The following DENND1A variants were observed in gnomAD, a reference collection of about 807,000 sequenced individuals.
DENND1A encodes the protein DENN domain-containing protein 1A.
Under a neutral mutation model 113.7 loss-of-function variants are expected in DENND1A, and 51 were observed. That is an observed-to-expected ratio of 0.45 (90% CI 0.36 to 0.57). The LOEUF is 0.57. Among genes scored for constraint, DENND1A ranks in the 20% least tolerant of loss-of-function variants. The pLI is 0.00. For missense variants in DENND1A, 1,258 were observed against 1,395.9 expected, an observed-to-expected ratio of 0.90 and a Z score of 1.57; for synonymous variants, 565 against 570.8, an observed-to-expected ratio of 0.99 and a Z score of 0.14.
chr9:123,702,780 C>T (rs2065956908), intron 5 of DENND1A, among the ~76,000 whole-genome samples: 2 of 152,136 alleles, frequency 1.3e-5, no homozygotes, highest in South Asian at 4.2e-4. Flanking sequence ...AGTTCACTAT[C>T]ACCAGACCTG....
At chr9:123,419,195 G>A (rs920609171) in intron 19 of DENND1A, among the ~76,000 whole-genome samples, 3 of 152,252 alleles carry the variant, frequency 2.0e-5, no homozygotes, top group Admixed American at 1.3e-4. Context: ...GCAAAGATTG[G>A]GGTGGCTGGT....
At chr9:123,403,051 T>C (rs537607062) in intron 21 of DENND1A, among the ~76,000 whole-genome samples, 2 of 152,204 alleles carry the variant, frequency 1.3e-5, no homozygotes, top group Non-Finnish European at 2.9e-5. Context: ...GTGGATCCAG[T>C]TCAACACTTG....
At chr9:123,824,787 A>C (rs1332738516) in intron 2 of DENND1A, among the ~76,000 whole-genome samples, 1 of 152,162 alleles carries the variant, frequency 6.6e-6, no homozygotes, top group Non-Finnish European at 1.5e-5. Context: ...AATAAAATAA[A>C]ACCTATCTCC....
chr9:123,527,453 C>T (rs1428010506), intron 13 of DENND1A, among the ~76,000 whole-genome samples: 1 of 152,160 alleles, frequency 6.6e-6, no homozygotes, highest in Non-Finnish European at 1.5e-5. Flanking sequence ...GACTGCCTTT[C>T]AGGTTCATCT....
intron 18 of DENND1A, among the ~76,000 whole-genome samples, chr9:123,446,638 A>G (rs2047326815): frequency 6.6e-6 from 1 of 152,122 alleles, no homozygotes; most frequent in Non-Finnish European, 1.5e-5. Context: ...CAGTATGGGC[A>G]ACACAGCAAA....
chr9:123,664,543 T>C (rs1367224004), intron 8 of DENND1A, among the ~76,000 whole-genome samples: 1 of 152,024 alleles, frequency 6.6e-6, no homozygotes, highest in Non-Finnish European at 1.5e-5. Context: ...AGTTCATTGT[T>C]TTCTAAATTT....
At chr9:123,572,536 C>A (rs1315579213) in intron 12 of DENND1A, among the ~76,000 whole-genome samples, 2 of 152,094 alleles carry the variant, frequency 1.3e-5, no homozygotes, top group Admixed American at 6.5e-5. Context: ...TGCAGTAGAA[C>A]CTTGTTGTGA....
chr9:123,469,774 C>T (rs2049250912), intron 13 of DENND1A, among the ~76,000 whole-genome samples: 1 of 152,186 alleles, frequency 6.6e-6, no homozygotes, highest in Admixed American at 6.5e-5. Flanking sequence ...TCACTTACTC[C>T]TCACAGCATC....
At chr9:123,739,679 G>C (rs529850081) in intron 5 of DENND1A, among the ~76,000 whole-genome samples, 3 of 152,108 alleles carry the variant, frequency 2.0e-5, no homozygotes, top group Non-Finnish European at 4.4e-5. Context: ...AGCTGGAGGA[G>C]AGTACAAGAA....
chr9:123,445,013 G>A (rs1271201158), intron 18 of DENND1A, among the ~76,000 whole-genome samples: 2 of 152,130 alleles, frequency 1.3e-5, no homozygotes, highest in Non-Finnish European at 2.9e-5. Context: ...GCCAGTTCCC[G>A]TCCCTCGGTA....
At chr9:123,792,503 T>C in intron 3 of DENND1A, 84 bp downstream of exon 3, 1 of 1,406,358 alleles carries the variant, frequency 7.1e-7, no homozygotes, top group Non-Finnish European at 9.8e-7. Flanking sequence ...CATTTATCTC[T>C]TTCAGTAAAA....
At chr9:123,774,098 G>A (rs1480359928) in intron 3 of DENND1A, among the ~76,000 whole-genome samples, 2 of 152,138 alleles carry the variant, frequency 1.3e-5, no homozygotes, top group African/African-American at 4.8e-5. Context: ...AAATGTAGGT[G>A]TGTGATGAAA....
intron 12 of DENND1A, among the ~76,000 whole-genome samples, chr9:123,577,197 G>A (rs1366674111): frequency 6.6e-6 from 1 of 151,978 alleles, no homozygotes; most frequent in Non-Finnish European, 1.5e-5. Context: ...GCTTCATATT[G>A]AGGAGTTTTT....
chr9:123,898,780 G>A (rs539375243), intron 1 of DENND1A, among the ~76,000 whole-genome samples: 1 of 152,188 alleles, frequency 6.6e-6, no homozygotes, highest in Non-Finnish European at 1.5e-5. Flanking sequence ...CTTTTACAGT[G>A]TGCTCTTTGT....
At chr9:123,622,391 T>C (rs1385302846) in intron 10 of DENND1A, among the ~76,000 whole-genome samples, 1 of 152,232 alleles carries the variant, frequency 6.6e-6, no homozygotes, top group African/African-American at 2.4e-5. Flanking sequence ...GGAAATACCA[T>C]ATGGTTTCTA....
intron 9 of DENND1A, among the ~76,000 whole-genome samples, chr9:123,649,316 C>A (rs972794623): frequency 6.6e-6 from 1 of 152,286 alleles, no homozygotes; most frequent in Non-Finnish European, 1.5e-5. Flanking sequence ...AATAGATTTT[C>A]TAGTATCATC....
At chr9:123,435,039 G>A (rs2132197120) in intron 19 of DENND1A, among the ~76,000 whole-genome samples, 1 of 152,356 alleles carries the variant, frequency 6.6e-6, no homozygotes, top group South Asian at 2.1e-4. Flanking sequence ...CCTGGCTCTG[G>A]ATGGCCAGCC....
chr9:123,724,675 C>G (rs988037326), intron 5 of DENND1A, among the ~76,000 whole-genome samples: 3 of 152,052 alleles, frequency 2.0e-5, no homozygotes, highest in African/African-American at 7.3e-5. Flanking sequence ...CAAGGCTGTG[C>G]CACAGAAGCC....
At chr9:123,701,713 A>C (rs1448381983) in intron 5 of DENND1A, among the ~76,000 whole-genome samples, 1 of 152,350 alleles carries the variant, frequency 6.6e-6, no homozygotes, top group African/African-American at 2.4e-5. Context: ...CCAGTGCTGT[A>C]CCAGCCTTGG....
Sources: gnomAD v4.1 joint callset for allele counts (sites outside exome capture counted in the v4.1 genomes callset) on GRCh38, gnomAD v4.1.1 for gene constraint, MANE v1.5 for transcripts, NCBI Gene and HGNC (gene_info 2026-07-23, HGNC 2026-07-21) for gene names.